Variants in LDB3 observed in about 807,000 individuals in gnomAD.
LDB3 encodes LIM domain-binding protein 3.
In LDB3, 49 loss-of-function variants were observed where a neutral mutation model predicts 69.0. That is an observed-to-expected ratio of 0.71 (90% CI 0.56 to 0.90). The LOEUF (loss-of-function observed/expected upper bound fraction) is 0.90, where lower values mean the gene tolerates loss of function less well. LDB3 is among the 40% of genes least tolerant of loss of function. LDB3 has a pLI of 0.00. For synonymous variants in LDB3, 387 were observed against 396.2 expected, an observed-to-expected ratio of 0.98 and a Z score of 0.28; for missense variants, 928 against 974.1, an observed-to-expected ratio of 0.95 and a Z score of 0.63.
intron 11 of LDB3, 120 bp from the exon 12 acceptor site, chr10:86,718,607 A>G (rs1846961726): frequency 4.4e-6 from 6 of 1,375,692 alleles, no homozygotes; most frequent in Non-Finnish European, 6.2e-6. Flanking sequence ...CAAGGCCTGC[A>G]TCCTGAGATC....
chr10:86,727,844 A>T (rs151289364), intron 13 of LDB3, among the ~76,000 whole-genome samples: 9,311 of 85,416 alleles, frequency 0.11, 525 homozygotes, highest in Non-Finnish European at 0.14. Context: ...TTTTTTTTTT[A>T]TTTTTTTTTT....
At chr10:86,696,119 T>G (rs1354692075) in intron 7 of LDB3, among the ~76,000 whole-genome samples, 1 of 152,146 alleles carries the variant, frequency 6.6e-6, no homozygotes, top group Non-Finnish European at 1.5e-5. Context: ...CTTCTTCCAA[T>G]AAGATGCCAG....
At chr10:86,684,813 C>A (rs536308938) in intron 5 of LDB3, among the ~76,000 whole-genome samples, 1 of 152,370 alleles carries the variant, frequency 6.6e-6, no homozygotes, top group African/African-American at 2.4e-5. Context: ...CCCTCACAGG[C>A]CCCCGACAGG....
At chr10:86,719,341 G>A (rs1464351235) in intron 12 of LDB3, among the ~76,000 whole-genome samples, 1 of 151,574 alleles carries the variant, frequency 6.6e-6, no homozygotes, top group Non-Finnish European at 1.5e-5. Context: ...GCAGTAACCT[G>A]TGATAGCACC....
In LDB3 at chr10:86,736,050, C is replaced by G. The variant is rs553057074; in HGVS notation, c.*3074C>G. 2 of 151,728 alleles carry G rather than the reference C, an allele frequency of 1.3e-5. No individual in the cohort carries two copies. The highest frequency in any genetic ancestry group is 3.9e-4 in the East Asian group (2 of 5,160). 9.4% of individuals were successfully genotyped at this position (151,728 alleles called of 1,614,324 possible). A position where few individuals can be genotyped will look rare whatever the true frequency, so the allele number is the denominator to read the frequency against. On this transcript the variant is annotated 3_prime_UTR_variant, in exon 14 of 14. Transcript: ENST00000361373. Reference sequence around the variant, plus strand: ...TTCTACTTTTTAGCAAAAATAAAGCCCCCCAAAGGATGTGCAAATACAGAT... The same window carrying G: ...TTCTACTTTTTAGCAAAAATAAAGCGCCCCAAAGGATGTGCAAATACAGAT...
Position 86,681,441 on chromosome 10 carries a change from C to A in LDB3, c.327C>A (p.Pro109=). Residue 109 remains proline (P), a synonymous_variant, in exon 5 of 14, where the codon CCC becomes CCA. Coordinates refer to ENST00000361373, the MANE Select transcript of LDB3 (RefSeq NM_007078.3). ...PLPVIPHQKD[P]ALDTNGSLVA... The stretch of plus-strand genomic sequence containing the variant: ...CATGGCCTGCCCTGTGCCAGGACCC[C>A]GCTCTGGACACGAACGGCAGCCTGG... 1 of 1,602,332 alleles carries A rather than the reference C, an allele frequency of 6.2e-7. No homozygotes were observed. The highest frequency in any genetic ancestry group is 8.5e-7 in the Non-Finnish European group (1 of 1,179,794).
intron 12 of LDB3, among the ~76,000 whole-genome samples, chr10:86,722,785 T>G (rs1259412369): frequency 6.6e-6 from 1 of 150,810 alleles, no homozygotes; most frequent in Non-Finnish European, 1.5e-5. Context: ...GCCAGGCTGG[T>G]CTTGAACTCC....
chr10:86,691,822 T>A, intron 5 of LDB3, 74 bp from the exon 6 acceptor site: 1 of 1,547,018 alleles, frequency 6.5e-7, no homozygotes. Context: ...CCAATGGGCA[T>A]GGAGCAGGGA....
intron 9 of LDB3, chr10:86,710,281 C>A (rs548596740): frequency 3.0e-6 from 3 of 984,074 alleles, no homozygotes; most frequent in Middle Eastern, 5.2e-4. Context: ...TAAGGGAGAG[C>A]GAAGGAGAGC....
intron 12 of LDB3, among the ~76,000 whole-genome samples, chr10:86,719,338 C>T (rs114264272): frequency 1.1e-3 from 164 of 151,782 alleles, no homozygotes; most frequent in African/African-American, 3.8e-3. Flanking sequence ...GCTGCAGTAA[C>T]CTGTGATAGC....
intron 7 of LDB3, among the ~76,000 whole-genome samples, chr10:86,697,338 C>T (rs1042571496): frequency 5.4e-5 from 8 of 148,926 alleles, no homozygotes; most frequent in Non-Finnish European, 1.0e-4. Context: ...TCTCCTGCCT[C>T]AGCCTCCTGA....
At chr10:86,706,967 C>T (rs1846469083) in intron 8 of LDB3, among the ~76,000 whole-genome samples, 1 of 152,196 alleles carries the variant, frequency 6.6e-6, no homozygotes. Flanking sequence ...AGAGAGGTAA[C>T]AGTGTCTCTC....
chr10:86,719,166 G>A (rs2132488144), intron 12 of LDB3, among the ~76,000 whole-genome samples: 1 of 152,120 alleles, frequency 6.6e-6, no homozygotes, highest in East Asian at 1.9e-4. Flanking sequence ...GGGAGGCCGA[G>A]ACAGAAGAAT....
intron 7 of LDB3, among the ~76,000 whole-genome samples, chr10:86,693,908 A>AC (rs1380658862): frequency 6.6e-6 from 1 of 152,112 alleles, no homozygotes; most frequent in Non-Finnish European, 1.5e-5. Context: ...TAAATCACAC[A>AC]CCCCAGAGCA....
rs930460134 is a variant in LDB3, at chr10:86,732,288, A to T, written c.2095-599A>T. Among the ~76,000 whole-genome samples the T allele has an allele frequency of 1.3e-4, 20 of 152,166 alleles. 1 individual carries two copies. Among genetic ancestry groups the T allele is most frequent in the South Asian group, 4.2e-4 (2 of 4,810 alleles). Reference sequence around the variant, plus strand: ...TTGTGAACTTGTATTGACTCTATTCATGCTATTTTAGATAGCATGAATTGG... The same window carrying T: ...TTGTGAACTTGTATTGACTCTATTCTTGCTATTTTAGATAGCATGAATTGG... On this transcript the variant is annotated intron_variant, in intron 13 of 13. Transcript: ENST00000361373.
intron 13 of LDB3, 34 bp from the exon 14 acceptor site, chr10:86,732,853 C>A: frequency 6.4e-7 from 1 of 1,558,176 alleles, no homozygotes; most frequent in Non-Finnish European, 8.8e-7. Flanking sequence ...CCCTGTGCCA[C>A]GTGGGTCTCA....
At chr10:86,687,355 T>G in intron 5 of LDB3, 1 of 1,381,728 alleles carries the variant, frequency 7.2e-7, no homozygotes, top group East Asian at 2.3e-5. Context: ...GGGACCAGCT[T>G]TCTTCCCTCA....
chr10:86,723,144 C>T (rs1326160093), intron 12 of LDB3, among the ~76,000 whole-genome samples: 1 of 151,468 alleles, frequency 6.6e-6, no homozygotes, highest in Admixed American at 6.6e-5. Context: ...GTGGTGCACA[C>T]CTGTGGTCCC....
At position 86,706,545 on chromosome 10, in the gene LDB3, A is replaced by G. The variant is rs1192544994; in HGVS notation, c.911A>G (p.His304Arg). The G allele has an allele frequency of 6.2e-7, 1 of 1,612,742 alleles. No individual in the cohort carries two copies. The change falls in exon 8 of 14, where the codon CAT (histidine) becomes CGT (arginine). Residue 304 changes from histidine to arginine, a missense_variant. His to Arg is a conservative substitution (Grantham distance 29). Coordinates refer to ENST00000361373, the MANE Select transcript of LDB3 (RefSeq NM_007078.3). ...CGCCTCATCAGCACCCCTATTGAGC[A>G]TGCGCCGGTGTGCACCAGCCAGGCC... is the stretch of plus-strand genomic sequence containing the variant. Reference protein sequence around the residue: ...ALRRSSTPIEHAPVCTSQATT... With the variant: ...ALRRSSTPIERAPVCTSQATT...
Sources: gnomAD v4.1 joint callset for allele counts (sites outside exome capture counted in the v4.1 genomes callset) on GRCh38, gnomAD v4.1.1 for gene constraint, MANE v1.5 for transcripts, NCBI Gene and HGNC (gene_info 2026-07-23, HGNC 2026-07-21) for gene names.